PISD: variants seen among roughly 807,000 people sequenced by gnomAD.
PISD encodes phosphatidylserine decarboxylase.
In PISD, 31 loss-of-function variants were observed where a neutral mutation model predicts 43.5. The ratio of observed to expected loss-of-function variants is 0.71; its 90% CI spans 0.54 to 0.96. The LOEUF (loss-of-function observed/expected upper bound fraction) is 0.96, where lower values mean the gene tolerates loss of function less well. Among genes scored for constraint, PISD ranks in the 40% least tolerant of loss-of-function variants. PISD has a pLI of 0.00. For missense variants in PISD, 523 were observed against 548.4 expected, an observed-to-expected ratio of 0.95 and a Z score of 0.46; for synonymous variants, 259 against 228.7, an observed-to-expected ratio of 1.13 and a Z score of -1.20.
At chr22:31,630,000 G>T (rs1233690438) in intron 3 of PISD, 1 of 152,308 alleles carries the variant, frequency 6.6e-6, no homozygotes, top group Non-Finnish European at 1.5e-5. Context: ...GAGGGTGGGG[G>T]CAAGGGGCTG....
At chr22:31,647,355 C>G (rs2090783106) in intron 3 of PISD, among the ~76,000 whole-genome samples, 1 of 152,196 alleles carries the variant, frequency 6.6e-6, no homozygotes. Context: ...AGAATAGATT[C>G]AGCTGATCTG....
intron 3 of PISD, among the ~76,000 whole-genome samples, chr22:31,624,111 G>T (rs1175712557): frequency 6.6e-6 from 1 of 152,152 alleles, no homozygotes; most frequent in East Asian, 1.9e-4. Context: ...GGGGAGGACT[G>T]GGAATGTGGG....
In PISD at chr22:31,619,101, G is replaced by C. The variant is rs557012184; in HGVS notation, c.*511C>G. The C allele has an allele frequency of 1.5e-3, 370 of 246,900 alleles. No individual in the cohort carries two copies. The highest frequency in any genetic ancestry group is 8.2e-3 in the African/African-American group (361 of 43,904). The allele number at this position is 246,900 out of a possible 1,614,324, so 15.3% of individuals were successfully genotyped here. ...TAAAGAGCAGGATGAGGTGAATGTG[G>C]GAACGGAAAGCAGTTGTCACGAAGG... On this transcript the variant is annotated 3_prime_UTR_variant, in exon 8 of 8. Coordinates refer to ENST00000439502, the MANE Select transcript of PISD (RefSeq NM_001326411.2).
rs1603392066 is a variant in PISD, at chr22:31,620,421, G to A, written c.1005+132C>T. 10 of 856,044 alleles carry A rather than the reference G, an allele frequency of 1.2e-5. No homozygotes were observed. The East Asian group carries it at 2.7e-4, about 23-fold the overall frequency. The allele number at this position is 856,044 out of a possible 1,614,324, so 53.0% of individuals were successfully genotyped here. The stretch of plus-strand genomic sequence containing the variant: ...CGGCCATTCTCAGGACAGCTGCTCA[G>A]CAGAGCCAGGCCTGACCAGAGCTGT... On this transcript the variant is annotated intron_variant, in intron 7 of 7. Coordinates refer to ENST00000439502, the MANE Select transcript of PISD (RefSeq NM_001326411.2).
At chr22:31,620,450 C>CTCCCTAGAATTCAG in intron 7 of PISD, 103 bp downstream of exon 7, 1 of 1,167,808 alleles carries the variant, frequency 8.6e-7, no homozygotes, top group Non-Finnish European at 1.2e-6. Context: ...GAGCTGTGGC[C>CTCCCTAGAATTCAG]TCCCTAGAAT....
chr22:31,645,401 G>A (rs989135148), intron 3 of PISD, among the ~76,000 whole-genome samples: 2 of 151,860 alleles, frequency 1.3e-5, no homozygotes, highest in African/African-American at 4.8e-5. Flanking sequence ...GCAAGGCCCT[G>A]CCTCAAATAA....
At chr22:31,644,683 T>TC (rs1422057462) in intron 3 of PISD, among the ~76,000 whole-genome samples, 5 of 152,208 alleles carry the variant, frequency 3.3e-5, no homozygotes, top group Non-Finnish European at 7.3e-5. Context: ...TTCAACACTC[T>TC]CCCTTCTTAA....
In PISD at chr22:31,630,843, G is replaced by A. The variant is rs751670452; in HGVS notation, c.322-8958C>T. On this transcript the variant is annotated intron_variant, in intron 3 of 7. Transcript: ENST00000439502. This position sits in a 1 kb window ranked among gnomAD's most constrained non-coding sequence, Gnocchi z 4.4. ...AGCTTCCGGGCTCCGACTCCCTAGG[G>A]GCGCTCCCGGAGCCGGGAAGCCTTG... The A allele has an allele frequency of 3.3e-5, 33 of 985,358 alleles. No homozygotes were observed. Among genetic ancestry groups the A allele is most frequent in the Non-Finnish European group, 3.5e-5 (29 of 829,958 alleles). The allele number at this position is 985,358 out of a possible 1,614,324, so 61.0% of individuals were successfully genotyped here.
At chr22:31,638,553 G>A (rs561167483) in intron 3 of PISD, 44 of 985,366 alleles carry the variant, frequency 4.5e-5, no homozygotes, top group African/African-American at 3.7e-4. Context: ...AGGCAAAACG[G>A]GTAGTAAGGA....
chr22:31,634,577 T>A (rs2073342621), intron 3 of PISD, among the ~76,000 whole-genome samples: 1 of 152,064 alleles, frequency 6.6e-6, no homozygotes, highest in Non-Finnish European at 1.5e-5. Context: ...TGACTTAGTG[T>A]CTGTAATCCC....
chr22:31,620,917 G>T, intron 6 of PISD, 79 bp downstream of exon 6: 3 of 1,488,666 alleles, frequency 2.0e-6, no homozygotes, highest in Non-Finnish European at 1.8e-6. Context: ...CTGGAGCCTG[G>T]TCCCCCAACA....
intron 3 of PISD, chr22:31,632,383 T>A (rs973146733): frequency 7.4e-5 from 15 of 202,476 alleles, no homozygotes; most frequent in African/African-American, 3.5e-4. Flanking sequence ...GGGTGGCAGA[T>A]ACCTTATACA....
chr22:31,636,715 AT>A (rs951064551), intron 3 of PISD, among the ~76,000 whole-genome samples: 1 of 151,064 alleles, frequency 6.6e-6, no homozygotes, highest in African/African-American at 2.4e-5. Flanking sequence ...AATTTTTTGT[AT>A]TTTTTTTAGT....
Position 31,619,802 on chromosome 22 carries a change from C to T in PISD, c.1040G>A (p.Gly347Asp). The T allele has an allele frequency of 6.2e-7, 1 of 1,614,112 alleles. No homozygotes were observed. The highest frequency in any genetic ancestry group is 8.5e-7 in the Non-Finnish European group (1 of 1,179,984). ...CACGAAGCTGAAGTCATTGTAGGAG[C>T]CCTTGCTGTGCCTTGGGCTGTTTGT... ...LHTNSPRHSK[G>D]SYNDFSFVTH... Residue 347 changes from glycine to aspartate, a missense_variant, in exon 8 of 8, where the codon GGC becomes GAC. By Grantham distance (94) the Gly-to-Asp change is moderately conservative. Transcript: ENST00000439502.
intron 3 of PISD, among the ~76,000 whole-genome samples, chr22:31,644,729 A>AT (rs2147773520): frequency 6.6e-6 from 1 of 152,350 alleles, no homozygotes; most frequent in South Asian, 2.1e-4. Flanking sequence ...ATAGTTGAGT[A>AT]TCCCTAATCT....
chr22:31,633,051 T>A (rs2073274999), intron 3 of PISD, among the ~76,000 whole-genome samples: 1 of 151,988 alleles, frequency 6.6e-6, no homozygotes. Flanking sequence ...ACCTCAGAGG[T>A]CCAAGGAAAC....
chr22:31,635,698 G>T (rs1046976846), intron 3 of PISD, among the ~76,000 whole-genome samples: 8 of 152,164 alleles, frequency 5.3e-5, no homozygotes, highest in Non-Finnish European at 1.2e-4. Flanking sequence ...GCCACCTGGG[G>T]GCATGGCTGT....
At chr22:31,642,611 G>A (rs1377535306) in intron 3 of PISD, among the ~76,000 whole-genome samples, 8 of 150,012 alleles carry the variant, frequency 5.3e-5, no homozygotes, top group South Asian at 2.1e-4. Context: ...TGGCCAACAC[G>A]GTGAAACCCC....
chr22:31,633,623 G>T (rs1212115722), intron 3 of PISD, among the ~76,000 whole-genome samples: 1 of 152,206 alleles, frequency 6.6e-6, no homozygotes, highest in African/African-American at 2.4e-5. Flanking sequence ...GCTGAGGCAG[G>T]AGAATGGCGT....
Sources: allele counts gnomAD v4.1 joint callset (sites outside exome capture counted in the v4.1 genomes callset), GRCh38; gene constraint gnomAD v4.1.1; non-coding constraint Gnocchi (gnomAD v3.1); transcripts MANE v1.5; gene names NCBI Gene and HGNC (gene_info 2026-07-23, HGNC 2026-07-21).